The following MAGI2 variants were observed in gnomAD, a reference collection of about 807,000 sequenced individuals.
MAGI2 encodes membrane associated guanylate kinase, WW and PDZ domain containing 2.
MAGI2 carries 35 observed loss-of-function variants against 133.3 expected under a neutral mutation model. The observed-to-expected ratio is 0.26, with a 90% confidence interval of 0.20 to 0.35. The LOEUF is 0.35. Among genes scored for constraint, MAGI2 ranks in the 10% least tolerant of loss-of-function variants. The pLI is 1.00. For missense variants in MAGI2, 1,636 were observed against 1,863.4 expected, an observed-to-expected ratio of 0.88 and a Z score of 2.25; for synonymous variants, 729 against 710.6, an observed-to-expected ratio of 1.03 and a Z score of -0.41.
intron 1 of MAGI2, among the ~76,000 whole-genome samples, chr7:79,445,804 TC>T (rs1848811038): frequency 6.6e-6 from 1 of 152,194 alleles, no homozygotes; most frequent in Admixed American, 6.5e-5. Flanking sequence ...GGCCCAGCCA[TC>T]CAATTACTGG....
intron 6 of MAGI2, among the ~76,000 whole-genome samples, chr7:78,477,241 T>C (rs1448436151): frequency 6.6e-6 from 1 of 151,990 alleles, no homozygotes; most frequent in Non-Finnish European, 1.5e-5. Flanking sequence ...CATTTAGCAC[T>C]TACAGAGATT....
intron 2 of MAGI2, among the ~76,000 whole-genome samples, chr7:78,934,256 C>A (rs567043873): frequency 1.3e-5 from 2 of 152,158 alleles, no homozygotes; most frequent in East Asian, 3.9e-4. Flanking sequence ...TGCCTGTCAC[C>A]ACACCCAGCT....
chr7:78,072,765 C>T, intron 21 of MAGI2: 3 of 396,616 alleles, frequency 7.6e-6, no homozygotes, highest in Non-Finnish European at 8.9e-6. Flanking sequence ...ATTGCATTCT[C>T]AACTTCCTGT....
At chr7:78,668,163 A>T (rs898179891) in intron 2 of MAGI2, among the ~76,000 whole-genome samples, 26 of 151,864 alleles carry the variant, frequency 1.7e-4, no homozygotes, top group African/African-American at 6.3e-4. Flanking sequence ...GCATTTTTTC[A>T]CGTGTTTTTT....
intron 2 of MAGI2, among the ~76,000 whole-genome samples, chr7:78,658,456 G>C (rs1333156167): frequency 6.6e-6 from 1 of 152,138 alleles, no homozygotes; most frequent in South Asian, 2.1e-4. Flanking sequence ...ACCCATAGAA[G>C]GGAAAATTGA....
At chr7:78,400,336 T>G (rs982452427) in intron 6 of MAGI2, among the ~76,000 whole-genome samples, 1 of 140,992 alleles carries the variant, frequency 7.1e-6, no homozygotes, top group African/African-American at 2.6e-5. Context: ...AAAAATACTC[T>G]ATTATCTACT....
chr7:78,188,784 G>T (rs556728706), intron 12 of MAGI2, among the ~76,000 whole-genome samples: 1 of 152,134 alleles, frequency 6.6e-6, no homozygotes. Context: ...TGGCATCCAT[G>T]AATTTATTTA....
chr7:78,957,285 A>AG (rs57085144), intron 2 of MAGI2, among the ~76,000 whole-genome samples: 9 of 148,958 alleles, frequency 6.0e-5, no homozygotes, highest in African/African-American at 2.2e-4. Context: ...AAAAAAAAAA[A>AG]GAAAAGAAAA....
intron 1 of MAGI2, among the ~76,000 whole-genome samples, chr7:79,331,870 G>A (rs749253572): frequency 4.6e-5 from 7 of 151,278 alleles, no homozygotes; most frequent in African/African-American, 7.3e-5. Context: ...AAATTGCAGC[G>A]CACCAGCATG....
intron 9 of MAGI2, among the ~76,000 whole-genome samples, chr7:78,323,021 A>G (rs1001969477): frequency 5.3e-5 from 8 of 149,864 alleles, no homozygotes; most frequent in Admixed American, 2.7e-4. Flanking sequence ...AAAAATAAAT[A>G]TGTGTTCATC....
intron 5 of MAGI2, among the ~76,000 whole-genome samples, chr7:78,497,663 T>C (rs1319453542): frequency 1.3e-5 from 2 of 152,202 alleles, no homozygotes; most frequent in African/African-American, 4.8e-5. Context: ...ATACGTCTTT[T>C]AAAACTACAT....
chr7:79,088,105 T>C (rs77151535), intron 1 of MAGI2, among the ~76,000 whole-genome samples: 1 of 152,118 alleles, frequency 6.6e-6, no homozygotes, highest in African/African-American at 2.4e-5. Context: ...TTTCATGATA[T>C]TGATTCTTCC....
intron 9 of MAGI2, among the ~76,000 whole-genome samples, chr7:78,259,667 A>T (rs1342839635): frequency 1.3e-5 from 2 of 152,166 alleles, no homozygotes; most frequent in Non-Finnish European, 2.9e-5. Context: ...AAAGTCAGAG[A>T]GGTAACAAAT....
chr7:78,154,894 G>A (rs745678518), intron 16 of MAGI2, among the ~76,000 whole-genome samples: 1 of 151,560 alleles, frequency 6.6e-6, no homozygotes, highest in African/African-American at 2.4e-5. Context: ...CTCACTGCAC[G>A]TAGCCCCTGG....
chr7:79,293,745 T>A (rs1176395787), intron 1 of MAGI2, among the ~76,000 whole-genome samples: 1 of 152,232 alleles, frequency 6.6e-6, no homozygotes, highest in African/African-American at 2.4e-5. Context: ...CTATGCAGTC[T>A]GGCTCCAAAG....
intron 2 of MAGI2, among the ~76,000 whole-genome samples, chr7:78,814,573 C>A (rs1789392744): frequency 6.6e-6 from 1 of 152,042 alleles, no homozygotes; most frequent in Non-Finnish European, 1.5e-5. Context: ...GAATATTATT[C>A]TTATTTTTTG....
intron 2 of MAGI2, among the ~76,000 whole-genome samples, chr7:78,691,413 G>C (rs1253673773): frequency 6.6e-6 from 1 of 152,130 alleles, no homozygotes. Flanking sequence ...GTAAGATAAT[G>C]AATGAATGAG....
At chr7:79,401,218 T>C (rs1341522107) in intron 1 of MAGI2, among the ~76,000 whole-genome samples, 1 of 152,212 alleles carries the variant, frequency 6.6e-6, no homozygotes, top group Non-Finnish European at 1.5e-5. Context: ...TAGATACACA[T>C]GCCACATGCA....
intron 2 of MAGI2, among the ~76,000 whole-genome samples, chr7:78,775,320 TAAAAAAAAAAAAAAAAAAAAAA>T (rs3086258): frequency 1.1e-3 from 61 of 57,358 alleles, no homozygotes; most frequent in Non-Finnish European, 1.6e-3. Context: ...CGTCTCAAAT[TAAAAAAAAAAAAAAAAAAAAAA>T]AAAAAAAAAA....
Sources: allele counts gnomAD v4.1 joint callset (sites outside exome capture counted in the v4.1 genomes callset), GRCh38; gene constraint gnomAD v4.1.1; transcripts MANE v1.5; gene names NCBI Gene and HGNC (gene_info 2026-07-23, HGNC 2026-07-21).